PPFIA4: variants seen among roughly 807,000 people sequenced by gnomAD.
PPFIA4 encodes liprin-alpha-4.
PPFIA4 carries 98 observed loss-of-function variants against 145.7 expected under a neutral mutation model. The observed-to-expected ratio is 0.67, with a 90% CI of 0.57 to 0.80. The LOEUF (loss-of-function observed/expected upper bound fraction) is 0.80, where lower values mean the gene tolerates loss of function less well. Ranked by LOEUF, PPFIA4 falls within the 30% of genes least tolerant of loss-of-function variation. The pLI, the probability that PPFIA4 is intolerant of heterozygous loss-of-function variation, is 0.00. For synonymous variants in PPFIA4, 628 were observed against 649.6 expected (o/e 0.97, Z 0.51); for missense variants, 1,457 against 1,632.7 (o/e 0.89, Z 1.85).
rs1428764494 is a variant in PPFIA4 at position 203,043,488 on chromosome 1, A to G, written c.326A>G (p.Asn109Ser). The change falls in exon 3 of 30, where the codon AAT (asparagine) becomes AGT (serine). Residue 109 changes from asparagine (N) to serine (S), a missense_variant. Around this residue, in one of 3 missense-constraint regions of PPFIA4, gnomAD observed 463 missense variants for 459.8 expected, o/e 1.01. Coordinates refer to ENST00000295706, the MANE Select transcript of PPFIA4 (RefSeq NM_001304331.2). This position sits in a 1 kb window ranked among gnomAD's most constrained non-coding sequence, Gnocchi z 4.4. ...ATATCAGAACTGAAAGCAGAACGGAATAACACACGGGTAAGTGGGGATGAC... is the reference window on the plus strand; with the variant it reads ...ATATCAGAACTGAAAGCAGAACGGAGTAACACACGGGTAAGTGGGGATGAC... ...EEISELKAERNNTRLLLEHLE... is the reference protein window; with the variant it reads ...EEISELKAERSNTRLLLEHLE... The G allele has an allele frequency of 6.2e-7, 1 of 1,608,220 alleles. No homozygotes were observed. Among genetic ancestry groups the G allele is most frequent in the East Asian group, 2.2e-5 (1 of 44,752 alleles).
At chr1:203,034,591 T>C (rs868362502) in intron 1 of PPFIA4, 1 of 456,224 alleles carries the variant, frequency 2.2e-6, no homozygotes, top group Admixed American at 2.4e-5. Flanking sequence ...TACAACTTGG[T>C]GTGGAGCCAG....
chr1:203,031,349 A>G (rs779410290), intron 1 of PPFIA4, among the ~76,000 whole-genome samples: 33 of 152,210 alleles, frequency 2.2e-4, no homozygotes, highest in Non-Finnish European at 4.7e-4. Flanking sequence ...CTTATGCCCG[A>G]GGCATGAACT....
In PPFIA4 at chr1:203,075,704, C is replaced by G. The variant is rs1662481958; in HGVS notation, c.3521C>G (p.Thr1174Ser). 2 of 1,456,874 alleles carry G rather than the reference C, an allele frequency of 1.4e-6. No individual in the cohort carries two copies. The highest frequency in any genetic ancestry group is 1.5e-5 in the African/African-American group (1 of 67,814). The allele number at this position is 1,456,874 out of a possible 1,614,324, so 90.2% of individuals were successfully genotyped here. A position where few individuals can be genotyped will look rare whatever the true frequency, so the allele number is the denominator to read the frequency against. Residue 1174 changes from threonine to serine, a missense_variant, in exon 29 of 30, where the codon ACC (threonine) becomes AGC (serine). Thr to Ser is a moderately conservative substitution (Grantham distance 58). Around this residue, in one of 3 missense-constraint regions of PPFIA4, gnomAD observed 146 missense variants for 126.2 expected, o/e 1.16. Coordinates refer to ENST00000295706, the MANE Select transcript of PPFIA4 (RefSeq NM_001304331.2). This position sits in a 1 kb window ranked among gnomAD's most constrained non-coding sequence, Gnocchi z 4.1. ...ETLPAGFRVS[T>S]LGTLQPPPAP... ...CTCCCGGCGGGCTTCCGTGTGTCCA[C>G]CCTGGGGACCCTGCAGCCCCCACCG...
At chr1:203,046,432 C>A in intron 9 of PPFIA4, 50 bp downstream of exon 9, 1 of 1,530,694 alleles carries the variant, frequency 6.5e-7, no homozygotes, top group Non-Finnish European at 8.8e-7. Context: ...ATGTTCTGAG[C>A]TCTCAGGGAG....
At chr1:203,040,646 A>G (rs1659635706) in intron 2 of PPFIA4, among the ~76,000 whole-genome samples, 1 of 152,244 alleles carries the variant, frequency 6.6e-6, no homozygotes, top group Non-Finnish European at 1.5e-5. Flanking sequence ...AGAGAGGCCC[A>G]AAAGGGTTAT....
chr1:203,072,252 G>A (rs949759570), intron 28 of PPFIA4, among the ~76,000 whole-genome samples: 3 of 152,274 alleles, frequency 2.0e-5, no homozygotes, highest in Admixed American at 6.5e-5. Flanking sequence ...TTGCTCTCTC[G>A]CTCCCAGTGC....
chr1:203,055,513 C>G lies in PPFIA4; in HGVS notation c.1911C>G (p.Ala637=). ...GTGTAACCAGTGGCAGCATGGAAGC[C>G]CTAAACCTGAAGCAGCTGCGCAAGC... ...ETRVTSGSME[A]LNLKQLRKRG... is the part of the protein sequence containing the mutation. The change falls in exon 16 of 30, where the codon GCC becomes GCG. Residue 637 remains alanine (A), a synonymous_variant. Transcript: ENST00000295706. This position sits in a 1 kb window ranked among gnomAD's most constrained non-coding sequence, Gnocchi z 4.8. The G allele has an allele frequency of 6.2e-7, 1 of 1,613,998 alleles. No homozygotes were observed. The highest frequency in any genetic ancestry group is 8.5e-7 in the Non-Finnish European group (1 of 1,179,898).
At chr1:203,039,766 G>A (rs1659569970) in intron 2 of PPFIA4, among the ~76,000 whole-genome samples, 3 of 152,338 alleles carry the variant, frequency 2.0e-5, no homozygotes, top group East Asian at 3.9e-4. Flanking sequence ...CTGTAGTCCC[G>A]TGTACTGTGT....
At chr1:203,029,087 G>C (rs149835383) in intron 1 of PPFIA4, among the ~76,000 whole-genome samples, 5 of 152,228 alleles carry the variant, frequency 3.3e-5, no homozygotes, top group Non-Finnish European at 4.4e-5. Flanking sequence ...AAACAGCAGT[G>C]GGGGAAGGAG....
chr1:203,048,791 CGCAGGCGGGGT>C lies in PPFIA4; in HGVS notation c.1356+78_1356+88del. On this transcript the variant is annotated intron_variant, in intron 11 of 29. Transcript: ENST00000295706. This position sits in a 1 kb window ranked among gnomAD's most constrained non-coding sequence, Gnocchi z 5.8. ...CGGGGGGAGGCGGGACTGTGATGGGCGCAGGCGGGGTCTCAATGGGGTGGGTGGCCAGCCTG... is the reference window on the plus strand; with the variant it reads ...CGGGGGGAGGCGGGACTGTGATGGGCCTCAATGGGGTGGGTGGCCAGCCTG... 3 of 1,537,748 alleles carry C rather than the reference CGCAGGCGGGGT, an allele frequency of 2.0e-6. No homozygotes were observed. The highest frequency in any genetic ancestry group is 2.6e-6 in the Non-Finnish European group (3 of 1,139,564).
At chr1:203,028,289 G>T (rs1483685881) in intron 1 of PPFIA4, among the ~76,000 whole-genome samples, 2 of 152,150 alleles carry the variant, frequency 1.3e-5, no homozygotes, top group East Asian at 3.9e-4. Flanking sequence ...AGGGCTGGAG[G>T]GGCAGGGCAT....
At chr1:203,029,395 C>T (rs757375422) in intron 1 of PPFIA4, among the ~76,000 whole-genome samples, 21 of 152,220 alleles carry the variant, frequency 1.4e-4, no homozygotes, top group Non-Finnish European at 2.6e-4. Flanking sequence ...CAGTTAATTC[C>T]GTTGGTCAAA....
At chr1:203,045,322 T>A in intron 6 of PPFIA4, 46 bp from the exon 7 acceptor site, 1 of 1,467,008 alleles carries the variant, frequency 6.8e-7, no homozygotes, top group South Asian at 1.4e-5. Flanking sequence ...GTGGGGTGGG[T>A]GGGATGCTGC....
Position 203,075,883 on chromosome 1 carries a change from A to C in PPFIA4, c.3574+126A>C. ...CTGGTGCCCCGCGCTCCTGCGCTGCAGCTGCACTAACGCTCCGCGGGGAGC... is the reference window on the plus strand; with the variant it reads ...CTGGTGCCCCGCGCTCCTGCGCTGCCGCTGCACTAACGCTCCGCGGGGAGC... On this transcript the variant is annotated intron_variant, in intron 29 of 29. Transcript: ENST00000295706. The surrounding 1 kb of genome is among the most constrained non-coding windows in gnomAD (Gnocchi z 4.1). 3.1e-6 allele frequency: 3 copies of C among 982,424 alleles called. No homozygotes were observed. Among genetic ancestry groups the C allele is most frequent in the Non-Finnish European group, 4.2e-6 (3 of 722,658 alleles). 60.9% of individuals were successfully genotyped at this position (982,424 alleles called of 1,614,324 possible). A position where few individuals can be genotyped will look rare whatever the true frequency, so the allele number is the denominator to read the frequency against.
At position 203,043,591 on chromosome 1, in the gene PPFIA4, A is replaced by G. The variant is rs1230955944; in HGVS notation, c.336+93A>G. 7 of 1,165,072 alleles carry G rather than the reference A, an allele frequency of 6.0e-6. No individual in the cohort carries two copies. Among genetic ancestry groups the G allele is most frequent in the Admixed American group, 4.0e-5 (2 of 49,684 alleles). The allele number at this position is 1,165,072 out of a possible 1,614,324, so 72.2% of individuals were successfully genotyped here. On this transcript the variant is annotated intron_variant, in intron 3 of 29. Coordinates refer to ENST00000295706, the MANE Select transcript of PPFIA4 (RefSeq NM_001304331.2). The surrounding 1 kb of genome is among the most constrained non-coding windows in gnomAD (Gnocchi z 4.4). ...AACACCTTGACCAAGAGAGCAGGCA[A>G]GAGTGGGGCCAGGCACAGTCCTAGC...
chr1:203,054,616 G>C (rs1283195171), intron 15 of PPFIA4, among the ~76,000 whole-genome samples: 1 of 151,618 alleles, frequency 6.6e-6, no homozygotes, highest in East Asian at 1.9e-4. Flanking sequence ...TTTATAAGCT[G>C]TACAGGACAT....
At chr1:203,045,701 G>A in intron 7 of PPFIA4, 140 bp from the exon 8 acceptor site, 2 of 1,465,722 alleles carry the variant, frequency 1.4e-6, no homozygotes, top group South Asian at 1.3e-5. Context: ...GAAGGGGTGG[G>A]CCAAAGCCAG....
intron 27 of PPFIA4, among the ~76,000 whole-genome samples, chr1:203,070,350 G>A (rs756412348): frequency 2.6e-5 from 4 of 152,110 alleles, no homozygotes; most frequent in Non-Finnish European, 5.9e-5. Context: ...GGAGGTCAAG[G>A]TGGGAGGATT....
Position 203,043,542 on chromosome 1 carries a change from G to C in PPFIA4, c.336+44G>C. 1.3e-6 allele frequency: 2 copies of C among 1,516,670 alleles called. No individual in the cohort carries two copies. Among genetic ancestry groups the C allele is most frequent in the Admixed American group, 3.8e-5 (2 of 51,976 alleles). The allele number at this position is 1,516,670 out of a possible 1,614,324, so 94.0% of individuals were successfully genotyped here. A position where few individuals can be genotyped will look rare whatever the true frequency, so the allele number is the denominator to read the frequency against. ...GTGTCGCGCGCGCGCACGTGTGTGT[G>C]TGTGTGTATGGGGGTGTGTTGTGAA... On this transcript the variant is annotated intron_variant, in intron 3 of 29. Coordinates refer to ENST00000295706, the MANE Select transcript of PPFIA4 (RefSeq NM_001304331.2). The surrounding 1 kb of genome is among the most constrained non-coding windows in gnomAD (Gnocchi z 4.4).
Sources: gnomAD v4.1 joint callset for allele counts (sites outside exome capture counted in the v4.1 genomes callset) on GRCh38, gnomAD v4.1.1 for gene constraint, gnomAD v4.1.1 regional missense constraint, Gnocchi (gnomAD v3.1) non-coding constraint, MANE v1.5 for transcripts, NCBI Gene and HGNC (gene_info 2026-07-23, HGNC 2026-07-21) for gene names.